Variants in ATP8A2 observed in about 807,000 individuals in gnomAD.
The protein encoded by ATP8A2 is phospholipid-transporting ATPase IB.
Under a neutral mutation model 165.6 loss-of-function variants are expected in ATP8A2, and 100 were observed. That is an observed-to-expected ratio of 0.60 (90% confidence interval 0.51 to 0.71). The LOEUF is 0.71. ATP8A2 is among the 30% of genes least tolerant of loss of function. The probability of loss-of-function intolerance (pLI) is 0.00; values close to 1 mark genes in which losing one functional copy is unlikely to be tolerated. For missense variants in ATP8A2, 1,227 were observed against 1,479.5 expected, an observed-to-expected ratio of 0.83 and a Z score of 2.80; for synonymous variants, 543 against 548.8, an observed-to-expected ratio of 0.99 and a Z score of 0.15.
intron 24 of ATP8A2, among the ~76,000 whole-genome samples, chr13:25,599,821 G>A (rs2040335592): frequency 6.6e-6 from 1 of 152,246 alleles, no homozygotes; most frequent in Non-Finnish European, 1.5e-5. Context: ...ACTTGCCATG[G>A]ACAGCTAATA....
At chr13:25,573,140 C>T (rs967153333) in intron 18 of ATP8A2, among the ~76,000 whole-genome samples, 5 of 152,038 alleles carry the variant, frequency 3.3e-5, no homozygotes, top group Admixed American at 2.6e-4. Flanking sequence ...AGGTCTTTTT[C>T]CCCCCTTCAG....
intron 10 of ATP8A2, among the ~76,000 whole-genome samples, chr13:25,548,889 A>C (rs2038732930): frequency 6.6e-6 from 1 of 152,218 alleles, no homozygotes; most frequent in Non-Finnish European, 1.5e-5. Context: ...TTGCCAATAG[A>C]ATTCAAATAA....
chr13:25,903,132 C>T (rs1001966065), intron 33 of ATP8A2, among the ~76,000 whole-genome samples: 3 of 151,944 alleles, frequency 2.0e-5, no homozygotes, highest in Admixed American at 1.3e-4. Flanking sequence ...CAAAACAAAA[C>T]GAAACAAAAC....
At chr13:25,794,626 A>C (rs1950458593) in intron 27 of ATP8A2, among the ~76,000 whole-genome samples, 1 of 152,180 alleles carries the variant, frequency 6.6e-6, no homozygotes, top group Non-Finnish European at 1.5e-5. Flanking sequence ...AAGGGTGCGC[A>C]GTTATCAAAA....
intron 2 of ATP8A2, among the ~76,000 whole-genome samples, chr13:25,507,217 CTTTGTGTG>C (rs1221967445): frequency 3.1e-5 from 4 of 127,260 alleles, no homozygotes; most frequent in African/African-American, 1.3e-4. Flanking sequence ...TGGTACCATT[CTTTGTGTG>C]TGTGTGTGTG....
At chr13:25,613,510 G>T (rs887349567) in intron 24 of ATP8A2, among the ~76,000 whole-genome samples, 1 of 152,080 alleles carries the variant, frequency 6.6e-6, no homozygotes, top group African/African-American at 2.4e-5. Flanking sequence ...GGAGGTGGAG[G>T]TTGCCATGAG....
chr13:25,454,152 G>A (rs1267228505), intron 1 of ATP8A2, among the ~76,000 whole-genome samples: 4 of 152,180 alleles, frequency 2.6e-5, no homozygotes, highest in Admixed American at 1.3e-4. Flanking sequence ...GGCGAACTGC[G>A]TGGTCTCTTT....
chr13:25,740,852 A>T (rs1253266175), intron 25 of ATP8A2, among the ~76,000 whole-genome samples: 2 of 152,198 alleles, frequency 1.3e-5, no homozygotes, highest in Non-Finnish European at 2.9e-5. Context: ...AGGAAATTTC[A>T]CATAATTATG....
intron 33 of ATP8A2, among the ~76,000 whole-genome samples, chr13:25,908,384 T>C (rs932627647): frequency 6.6e-6 from 1 of 152,232 alleles, no homozygotes; most frequent in Non-Finnish European, 1.5e-5. Flanking sequence ...AATGAGAATT[T>C]CCTAATTAGT....
intron 34 of ATP8A2, among the ~76,000 whole-genome samples, chr13:25,965,854 G>C (rs1213223170): frequency 6.6e-6 from 1 of 152,116 alleles, no homozygotes; most frequent in African/African-American, 2.4e-5. Context: ...ATGGAAAGAA[G>C]AGGTAATGAG....
chr13:25,954,440 CTT>C, intron 33 of ATP8A2, among the ~76,000 whole-genome samples: 1 of 152,334 alleles, frequency 6.6e-6, no homozygotes, highest in East Asian at 1.9e-4. Flanking sequence ...CTTCAGCAGA[CTT>C]AAACGTTCTT....
At chr13:25,621,759 T>C (rs1294085977) in intron 24 of ATP8A2, among the ~76,000 whole-genome samples, 1 of 152,226 alleles carries the variant, frequency 6.6e-6, no homozygotes, top group Non-Finnish European at 1.5e-5. Context: ...GAAACAAATT[T>C]GCACTGAATT....
At chr13:25,452,469 G>A (rs889932908) in intron 1 of ATP8A2, among the ~76,000 whole-genome samples, 1 of 151,660 alleles carries the variant, frequency 6.6e-6, no homozygotes, top group African/African-American at 2.4e-5. Flanking sequence ...TGATATTTTT[G>A]TGTAAGTCAA....
intron 1 of ATP8A2, among the ~76,000 whole-genome samples, chr13:25,405,583 G>A (rs1378560405): frequency 1.3e-5 from 2 of 152,044 alleles, no homozygotes; most frequent in South Asian, 2.1e-4. Context: ...ATGCAGGACC[G>A]GCTCCCTGGG....
chr13:25,403,491 C>T (rs2033703912), intron 1 of ATP8A2, among the ~76,000 whole-genome samples: 1 of 152,274 alleles, frequency 6.6e-6, no homozygotes, highest in Middle Eastern at 3.4e-3. Flanking sequence ...ACAGAAAATT[C>T]TTTAAAGAGA....
chr13:25,797,716 A>C (rs1381865175), intron 27 of ATP8A2, among the ~76,000 whole-genome samples: 2 of 152,154 alleles, frequency 1.3e-5, no homozygotes, highest in Non-Finnish European at 2.9e-5. Flanking sequence ...ATTTAATGGG[A>C]TGACTGTTAA....
chr13:25,623,822 C>T lies in ATP8A2; in HGVS notation c.2211+34123C>T, dbSNP rs1421861072. ...ATGCATATCTAGATGAGCATAAATG[C>T]ATAAATTATGCATAGATTATAAATG... On this transcript the variant is annotated intron_variant, in intron 24 of 36. Transcript: ENST00000381655. 3.3e-5 allele frequency among the ~76,000 whole-genome samples: 5 copies of T among 151,640 alleles called. No individual in the cohort carries two copies. In the East Asian group the frequency reaches 9.7e-4, roughly 29 times the overall value.
intron 1 of ATP8A2, among the ~76,000 whole-genome samples, chr13:25,397,932 G>A (rs1185981185): frequency 2.0e-5 from 3 of 152,208 alleles, no homozygotes; most frequent in Admixed American, 2.0e-4. Context: ...AATTGTTGAA[G>A]GCAGCGGGAA....
intron 33 of ATP8A2, among the ~76,000 whole-genome samples, chr13:25,936,456 G>A (rs926474051): frequency 1.3e-5 from 2 of 152,182 alleles, no homozygotes; most frequent in Non-Finnish European, 2.9e-5. Context: ...ATGGGCCTGC[G>A]TATCAGGACG....
Sources: gnomAD v4.1 joint callset for allele counts (sites outside exome capture counted in the v4.1 genomes callset) on GRCh38, gnomAD v4.1.1 for gene constraint, MANE v1.5 for transcripts, NCBI Gene and HGNC (gene_info 2026-07-23, HGNC 2026-07-21) for gene names.